SF3B1: variants seen among roughly 807,000 people sequenced by gnomAD.
The protein encoded by SF3B1 is pre-mRNA processing 10.
A neutral mutation model predicts 153.8 loss-of-function variants in SF3B1; 12 were observed. The ratio of observed to expected loss-of-function variants is 0.08; its 90% CI spans 0.05 to 0.13. The LOEUF is 0.13. SF3B1 is among the 10% of genes least tolerant of loss of function. The probability of loss-of-function intolerance (pLI) is 1.00; values close to 1 mark genes in which losing one functional copy is unlikely to be tolerated. For missense variants in SF3B1, 513 were observed against 1,606.1 expected (o/e 0.32, Z 11.63); for synonymous variants, 498 against 525.2 (o/e 0.95, Z 0.71).
intron 6 of SF3B1, among the ~76,000 whole-genome samples, chr2:197,415,143 CAT>C (rs375315353): frequency 1.1e-3 from 163 of 148,926 alleles, no homozygotes; most frequent in African/African-American, 3.7e-3. Flanking sequence ...CACGATAAAA[CAT>C]GTTTGCTGGT....
At chr2:197,395,968 T>TA (rs2084870761) in intron 23 of SF3B1, 88 bp downstream of exon 23, 4 of 1,204,990 alleles carry the variant, frequency 3.3e-6, no homozygotes, top group Non-Finnish European at 4.7e-6. Context: ...TATGTTACAG[T>TA]AAAAAGTCAT....
At chr2:197,393,915 G>A (rs928998277) in intron 23 of SF3B1, among the ~76,000 whole-genome samples, 1 of 152,094 alleles carries the variant, frequency 6.6e-6, no homozygotes, top group African/African-American at 2.4e-5. Context: ...CGGACATGGT[G>A]GCTCATGTCT....
At chr2:197,396,034 G>A (rs774038618) in intron 23 of SF3B1, 22 bp downstream of exon 23, 14 of 1,559,690 alleles carry the variant, frequency 9.0e-6, no homozygotes, top group Non-Finnish European at 1.2e-5. Context: ...TTATTTTCTT[G>A]TATTTAGTTC....
At chr2:197,406,916 C>T (rs916513308) in intron 9 of SF3B1, among the ~76,000 whole-genome samples, 22 of 151,920 alleles carry the variant, frequency 1.4e-4, no homozygotes, top group Admixed American at 5.9e-4. Context: ...GTGAGACTCC[C>T]GTATCTACAA....
intron 11 of SF3B1, chr2:197,404,789 TAAAGGAA>T (rs2084972106): frequency 4.7e-6 from 1 of 213,768 alleles, no homozygotes; most frequent in African/African-American, 2.3e-5. Flanking sequence ...TTTGGGAGAG[TAAAGGAA>T]AGACCACACT....
At chr2:197,413,365 C>T (rs2106000743) in intron 6 of SF3B1, among the ~76,000 whole-genome samples, 1 of 152,216 alleles carries the variant, frequency 6.6e-6, no homozygotes, top group South Asian at 2.1e-4. Flanking sequence ...TGCACCAATG[C>T]ACTCCAGCTA....
At chr2:197,403,805 A>G (rs1324933640) in intron 11 of SF3B1, 41 bp from the exon 12 acceptor site, 1 of 1,463,516 alleles carries the variant, frequency 6.8e-7, no homozygotes, top group African/African-American at 1.5e-5. Flanking sequence ...TTTCTTTATA[A>G]TCAAACATTT....
chr2:197,394,219 G>T (rs1368979042), intron 23 of SF3B1, among the ~76,000 whole-genome samples: 1 of 152,016 alleles, frequency 6.6e-6, no homozygotes, highest in Non-Finnish European at 1.5e-5. Flanking sequence ...CTTTTTTATT[G>T]TTATTGTTAG....
chr2:197,401,566 G>A lies in SF3B1; in HGVS notation c.2371-41C>T, dbSNP rs2084937121. Reference sequence around the variant, plus strand: ...ATAGTAATAATAAATCAACTGACCTGAAATGAAGAGAATACTCATTGCTGA... The same window carrying A: ...ATAGTAATAATAAATCAACTGACCTAAAATGAAGAGAATACTCATTGCTGA... On this transcript the variant is annotated intron_variant, in intron 16 of 24. Transcript: ENST00000335508. This position sits in a 1 kb window ranked among gnomAD's most constrained non-coding sequence, Gnocchi z 4.2. 1 of 1,571,554 alleles carries A rather than the reference G, an allele frequency of 6.4e-7. No individual in the cohort carries two copies. The highest frequency in any genetic ancestry group is 8.7e-7 in the Non-Finnish European group (1 of 1,150,166).
At chr2:197,420,314 G>C in intron 4 of SF3B1, 114 bp downstream of exon 4, 1 of 728,690 alleles carries the variant, frequency 1.4e-6, no homozygotes, top group Non-Finnish European at 2.4e-6. Context: ...ATAGTAAGGG[G>C]GATTTTTAAA....
intron 6 of SF3B1, among the ~76,000 whole-genome samples, chr2:197,415,060 T>C (rs2085127200): frequency 6.6e-6 from 1 of 151,570 alleles, no homozygotes; most frequent in African/African-American, 2.4e-5. Flanking sequence ...AACAGGATTG[T>C]AGCTGAATGC....
At chr2:197,434,921 T>G in intron 1 of SF3B1, 51 bp downstream of exon 1, 1 of 1,580,432 alleles carries the variant, frequency 6.3e-7, no homozygotes, top group Non-Finnish European at 8.7e-7. Context: ...AAAAAAGGCT[T>G]TTATTAGGCT....
chr2:197,433,677 A>G (rs951545897), intron 1 of SF3B1, among the ~76,000 whole-genome samples: 7 of 152,234 alleles, frequency 4.6e-5, no homozygotes, highest in Non-Finnish European at 2.9e-5. Context: ...CCTCTGGGTG[A>G]CCCAACTATT....
intron 9 of SF3B1, among the ~76,000 whole-genome samples, chr2:197,405,766 A>T (rs1302325954): frequency 6.6e-6 from 1 of 152,196 alleles, no homozygotes; most frequent in Non-Finnish European, 1.5e-5. Flanking sequence ...TAAAAATTTG[A>T]AAATTATAAA....
chr2:197,410,862 T>G (rs2085057525), intron 6 of SF3B1, among the ~76,000 whole-genome samples: 1 of 152,216 alleles, frequency 6.6e-6, no homozygotes, highest in Admixed American at 6.5e-5. Context: ...GATCAGTTTG[T>G]ATGTACAGTT....
At position 197,401,612 on chromosome 2, in the gene SF3B1, A is replaced by G; in HGVS notation, c.2371-87T>C. ...GCTGATTACGTGATTTTAAAAAATA[A>G]AATTTAAAAACAAATCAAACAGTAT... On this transcript the variant is annotated intron_variant, in intron 16 of 24. Transcript: ENST00000335508. The surrounding 1 kb of genome is among the most constrained non-coding windows in gnomAD (Gnocchi z 4.2). The G allele has an allele frequency of 6.7e-7, 1 of 1,500,508 alleles. No individual in the cohort carries two copies. The highest frequency in any genetic ancestry group is 9.1e-7 in the Non-Finnish European group (1 of 1,099,678). 92.9% of individuals were successfully genotyped at this position (1,500,508 alleles called of 1,614,324 possible).
intron 22 of SF3B1, 55 bp from the exon 23 acceptor site, chr2:197,396,383 G>C: frequency 6.8e-7 from 1 of 1,463,420 alleles, no homozygotes; most frequent in Non-Finnish European, 9.2e-7. Flanking sequence ...AAAATTTATG[G>C]AAGAAAAAAA....
At chr2:197,433,397 A>G (rs1412505211) in intron 1 of SF3B1, among the ~76,000 whole-genome samples, 1 of 152,262 alleles carries the variant, frequency 6.6e-6, no homozygotes, top group Non-Finnish European at 1.5e-5. Context: ...AGGGCATCTT[A>G]TACTGAAGTT....
At position 197,405,338 on chromosome 2, in the gene SF3B1, G is replaced by A. The variant is rs2084978186; in HGVS notation, c.1374C>T (p.Asp458=). The change falls in exon 10 of 25, where the codon GAC becomes GAT. Residue 458 remains aspartate (D), a synonymous_variant. Transcript: ENST00000335508. The part of the protein sequence containing the change: ...TEDRTMKSVN[D]QPSGNLPFLK... ...AAAATGGAAGATTTCCAGATGGCTG[G>A]TCATTAACACTTTTCATAGTTCGAT... 4 of 1,614,026 alleles carry A rather than the reference G, an allele frequency of 2.5e-6. No homozygotes were observed. Among genetic ancestry groups the A allele is most frequent in the Non-Finnish European group, 3.4e-6 (4 of 1,179,958 alleles).
Sources: allele counts gnomAD v4.1 joint callset (sites outside exome capture counted in the v4.1 genomes callset), GRCh38; gene constraint gnomAD v4.1.1; non-coding constraint Gnocchi (gnomAD v3.1); transcripts MANE v1.5; gene names NCBI Gene and HGNC (gene_info 2026-07-23, HGNC 2026-07-21).